Variants in ZNF362 observed in about 807,000 individuals in gnomAD.
The protein encoded by ZNF362 is zinc finger protein 362.
ZNF362 carries 11 observed loss-of-function variants against 42.9 expected under a neutral mutation model. The ratio of observed to expected loss-of-function variants is 0.26; its 90% CI spans 0.16 to 0.42. ZNF362 has a LOEUF of 0.42. ZNF362 is among the 20% of genes least tolerant of loss of function. The probability of loss-of-function intolerance (pLI) is 1.00; values close to 1 mark genes in which losing one functional copy is unlikely to be tolerated. For missense variants in ZNF362, 362 were observed against 576.2 expected, an observed-to-expected ratio of 0.63 and a Z score of 3.81; for synonymous variants, 255 against 257.3, an observed-to-expected ratio of 0.99 and a Z score of 0.09.
the ZNF362 span, chr1:33,181,171 G>A: frequency 7.5e-6 from 12 of 1,596,358 alleles, no homozygotes; most frequent in Non-Finnish European, 8.5e-7. This position sits in a 1 kb window ranked among gnomAD's most constrained non-coding sequence, Gnocchi z 6.5. Context: ...CGCGCGGCGC[G>A]GCGCGCGTTG....
At chr1:33,277,646 T>A (rs1412100763) in intron 4 of ZNF362, among the ~76,000 whole-genome samples, 1 of 151,874 alleles carries the variant, frequency 6.6e-6, no homozygotes, top group African/African-American at 2.4e-5. Flanking sequence ...TGGAGAGAAG[T>A]GGACAGATAT....
chr1:33,136,362 G>C, the ZNF362 span, among the ~76,000 whole-genome samples: 1 of 99,606 alleles, frequency 1.0e-5, no homozygotes, highest in African/African-American at 3.9e-5. Context: ...CTCTCTCTCT[G>C]TCTTTCTTTC....
the ZNF362 span, among the ~76,000 whole-genome samples, chr1:33,152,843 A>AG: frequency 6.6e-6 from 1 of 152,128 alleles, no homozygotes; most frequent in African/African-American, 2.4e-5. Context: ...TCAGATTAGC[A>AG]GGGGGCGGGG....
chr1:33,140,771 C>G, the ZNF362 span, among the ~76,000 whole-genome samples: 1 of 152,206 alleles, frequency 6.6e-6, no homozygotes, highest in Non-Finnish European at 1.5e-5. The surrounding 1 kb of genome is among the most constrained non-coding windows in gnomAD (Gnocchi z 4.0). Flanking sequence ...TGAAGTGGCT[C>G]TGCCCTGGAG....
At chr1:33,202,139 A>G in the ZNF362 span, among the ~76,000 whole-genome samples, 1 of 152,260 alleles carries the variant, frequency 6.6e-6, no homozygotes, top group Non-Finnish European at 1.5e-5. Context: ...CTTTCCATAA[A>G]TAAAACTCCA....
intron 6 of ZNF362, among the ~76,000 whole-genome samples, chr1:33,287,076 A>C (rs895697964): frequency 6.6e-5 from 10 of 152,222 alleles, no homozygotes; most frequent in African/African-American, 2.4e-4. Context: ...GGGACTTGCA[A>C]AGTGTTGAAC....
chr1:33,207,995 G>C, the ZNF362 span, among the ~76,000 whole-genome samples: 2 of 152,140 alleles, frequency 1.3e-5, no homozygotes, highest in Non-Finnish European at 2.9e-5. Context: ...CATTGCTTTT[G>C]GTGTTTTAGT....
intron 6 of ZNF362, among the ~76,000 whole-genome samples, chr1:33,288,661 C>CG (rs1316014862): frequency 1.4e-5 from 2 of 142,858 alleles, no homozygotes; most frequent in Admixed American, 1.5e-4. Context: ...AGGATAATCG[C>CG]TGAACTGGGG....
rs55931056 is a variant in ZNF362, at chr1:33,297,513, C to CTTTTTTTTTTT, written c.1147-1410_1147-1400dup. Reference sequence around the variant, plus strand: ...GATTTGGTGTATTTACATGATTCCTCTTTTTTTTTTTTTTTTTGAGACGGA... The same window carrying CTTTTTTTTTTT: ...GATTTGGTGTATTTACATGATTCCTCTTTTTTTTTTTTTTTTTTTTTTTTTTTTGAGACGGA... On this transcript the variant is annotated intron_variant, in intron 8 of 8. Coordinates refer to ENST00000539719, the MANE Select transcript of ZNF362 (RefSeq NM_152493.3). Among the ~76,000 whole-genome samples, 13 of 121,056 alleles carry CTTTTTTTTTTT rather than the reference C, an allele frequency of 1.1e-4. 1 individual carries two copies. Among genetic ancestry groups the CTTTTTTTTTTT allele is most frequent in the African/African-American group, 3.2e-4 (9 of 28,498 alleles). The allele number at this position is 121,056 out of a possible 152,430, so 79.4% of individuals were successfully genotyped here. A position where few individuals can be genotyped will look rare whatever the true frequency, so the allele number is the denominator to read the frequency against.
chr1:33,133,887 C>G, the ZNF362 span, among the ~76,000 whole-genome samples: 5 of 152,232 alleles, frequency 3.3e-5, no homozygotes, highest in Non-Finnish European at 7.3e-5. Flanking sequence ...TGGGTACTTG[C>G]TTGTGGACCC....
the ZNF362 span, among the ~76,000 whole-genome samples, chr1:33,191,490 TTTTTTGTTTTTGTTTTTG>T: frequency 3.4e-3 from 505 of 149,648 alleles, 2 homozygotes; most frequent in Admixed American, 9.1e-3. Flanking sequence ...AAACATCCTT[TTTTTTGTTTTTGTTTTTG>T]TTTTTGTTTT....
chr1:33,242,980 G>A, the ZNF362 span, among the ~76,000 whole-genome samples: 1 of 151,966 alleles, frequency 6.6e-6, no homozygotes, highest in East Asian at 1.9e-4. Flanking sequence ...GGGGGATTCT[G>A]TTTAATATTT....
chr1:33,145,896 A>C, the ZNF362 span: 1 of 471,032 alleles, frequency 2.1e-6, no homozygotes, highest in Non-Finnish European at 4.4e-6. Flanking sequence ...CTTGCAGCCA[A>C]GGTTCTGGAT....
Position 33,280,077 on chromosome 1 carries a change from C to G in ZNF362, c.350-47C>G, listed in dbSNP as rs111271822. The G allele has an allele frequency of 2.6e-3, 4,011 of 1,513,780 alleles. 83 individuals are homozygous for G. In the African/African-American group the frequency reaches 0.047, roughly 18 times the overall value. 93.8% of individuals were successfully genotyped at this position (1,513,780 alleles called of 1,614,324 possible). On this transcript the variant is annotated intron_variant, in intron 4 of 8. Coordinates refer to ENST00000539719, the MANE Select transcript of ZNF362 (RefSeq NM_152493.3). The surrounding 1 kb of genome is among the most constrained non-coding windows in gnomAD (Gnocchi z 5.6). ...ATAGCTGGGTGGGCAGCTGAGCTGGCCTCTGCAGCTCCGCTCACCCCTGCC... is the reference window on the plus strand; with the variant it reads ...ATAGCTGGGTGGGCAGCTGAGCTGGGCTCTGCAGCTCCGCTCACCCCTGCC...
chr1:33,172,070 T>A, the ZNF362 span, among the ~76,000 whole-genome samples: 2 of 152,156 alleles, frequency 1.3e-5, no homozygotes, highest in African/African-American at 4.8e-5. Flanking sequence ...GCATCAGCCA[T>A]GGCACCGGAC....
At chr1:33,202,946 T>G in the ZNF362 span, among the ~76,000 whole-genome samples, 1 of 152,216 alleles carries the variant, frequency 6.6e-6, no homozygotes, top group Admixed American at 6.5e-5. Context: ...TCAAGCAAAT[T>G]AACATATCCA....
At chr1:33,177,552 C>T in the ZNF362 span, among the ~76,000 whole-genome samples, 5 of 152,128 alleles carry the variant, frequency 3.3e-5, no homozygotes, top group Admixed American at 2.6e-4. This position sits in a 1 kb window ranked among gnomAD's most constrained non-coding sequence, Gnocchi z 4.1. Context: ...TGATATTTGA[C>T]CTGAAGTTTT....
chr1:33,235,762 AGGATT>A, the ZNF362 span, among the ~76,000 whole-genome samples: 5 of 152,246 alleles, frequency 3.3e-5, no homozygotes, highest in Non-Finnish European at 7.3e-5. Context: ...CTGACCTAAC[AGGATT>A]CTTGCTGAAG....
chr1:33,251,342 G>A, the ZNF362 span, among the ~76,000 whole-genome samples: 2 of 152,096 alleles, frequency 1.3e-5, no homozygotes, highest in African/African-American at 4.8e-5. Flanking sequence ...GTCCTGGTAG[G>A]GCTGATTCCT....
Sources: gnomAD v4.1 joint callset for allele counts (sites outside exome capture counted in the v4.1 genomes callset) on GRCh38, gnomAD v4.1.1 for gene constraint, Gnocchi (gnomAD v3.1) non-coding constraint, MANE v1.5 for transcripts, NCBI Gene and HGNC (gene_info 2026-07-23, HGNC 2026-07-21) for gene names.